NUP214: variants seen among roughly 807,000 people sequenced by gnomAD.
The protein encoded by NUP214 is nucleoporin 214.
NUP214 carries 79 observed loss-of-function variants against 196.2 expected under a neutral mutation model. The ratio of observed to expected loss-of-function variants is 0.40; its 90% CI spans 0.34 to 0.49. The LOEUF (loss-of-function observed/expected upper bound fraction) is 0.49. Among genes scored for constraint, NUP214 ranks in the 20% least tolerant of loss-of-function variants. The pLI is 0.58. For synonymous variants in NUP214, 1,020 were observed against 990.5 expected (o/e 1.03, Z -0.56); for missense variants, 2,468 against 2,539.0 (o/e 0.97, Z 0.60).
At chr9:131,202,460 G>C (rs1445657480) in intron 30 of NUP214, among the ~76,000 whole-genome samples, 1 of 152,132 alleles carries the variant, frequency 6.6e-6, no homozygotes, top group African/African-American at 2.4e-5. Context: ...GTCTAACTCT[G>C]TTGCCCAGGC....
At chr9:131,182,247 T>A (rs1272998395) in intron 24 of NUP214, among the ~76,000 whole-genome samples, 1 of 152,154 alleles carries the variant, frequency 6.6e-6, no homozygotes, top group Non-Finnish European at 1.5e-5. Context: ...AAAAATAAAA[T>A]GGATTTCTTA....
chr9:131,226,790 CAT>C (rs773667357), intron 32 of NUP214, among the ~76,000 whole-genome samples: 12 of 152,136 alleles, frequency 7.9e-5, no homozygotes, highest in Non-Finnish European at 1.3e-4. Context: ...CAAATAGGCA[CAT>C]GAGTGAATCA....
Position 131,197,525 on chromosome 9 carries a change from ATT to A in NUP214, c.4032_4033del (p.Ser1345TyrfsTer6). On this transcript the variant is annotated frameshift_variant, in exon 29 of 36. Coordinates refer to ENST00000359428, the MANE Select transcript of NUP214 (RefSeq NM_005085.4). LOFTEE classifies it high-confidence loss of function. ...GGACTGCGGGTTGGCCAAGCAGATG[ATT>A]CTACAAAACCAACCAATAAGGCTTC... 2.5e-6 allele frequency: 4 copies of A among 1,614,146 alleles called. No homozygotes were observed. Among genetic ancestry groups the A allele is most frequent in the Non-Finnish European group, 2.5e-6 (3 of 1,180,026 alleles).
chr9:131,129,555 G>A (rs1831463675), intron 4 of NUP214, 78 bp downstream of exon 4: 1 of 1,416,608 alleles, frequency 7.1e-7, no homozygotes, highest in Non-Finnish European at 9.8e-7. Context: ...AAGTGAAAGT[G>A]GATAGCTTTT....
At chr9:131,205,657 A>G (rs1834054999) in intron 30 of NUP214, among the ~76,000 whole-genome samples, 1 of 152,124 alleles carries the variant, frequency 6.6e-6, no homozygotes, top group Non-Finnish European at 1.5e-5. Flanking sequence ...AGAGAAATAA[A>G]ATGTACTGCT....
At chr9:131,132,120 T>C (rs1831567841) in intron 5 of NUP214, among the ~76,000 whole-genome samples, 1 of 81,594 alleles carries the variant, frequency 1.2e-5, no homozygotes, top group Non-Finnish European at 2.5e-5. Flanking sequence ...CTTTTCTTTC[T>C]TTTTTTTTTT....
chr9:131,162,824 TTC>T lies in NUP214; in HGVS notation c.2541-166_2541-165del. On this transcript the variant is annotated intron_variant, in intron 18 of 35. Transcript: ENST00000359428. ...CATTCCATTTTATCTTCATTAGGCT[TTC>T]ATCTCCTTTTTATTTTCTAGTAATT... The T allele has an allele frequency of 4.5e-6, 3 of 673,466 alleles. No homozygotes were observed. The South Asian group carries it at 5.7e-5, about 13-fold the overall frequency. The allele number at this position is 673,466 out of a possible 1,614,324, so 41.7% of individuals were successfully genotyped here. A position where few individuals can be genotyped will look rare whatever the true frequency, so the allele number is the denominator to read the frequency against.
At position 131,144,458 on chromosome 9, in the gene NUP214, A is replaced by G. The variant is rs780319883; in HGVS notation, c.1473A>G (p.Ser491=). The G allele has an allele frequency of 6.2e-7, 1 of 1,614,142 alleles. No homozygotes were observed. The highest frequency in any genetic ancestry group is 1.1e-5 in the South Asian group (1 of 91,082). The change falls in exon 12 of 36, where the codon TCA becomes TCG. Residue 491 remains serine (S), a synonymous_variant. Coordinates refer to ENST00000359428, the MANE Select transcript of NUP214 (RefSeq NM_005085.4). The part of the protein sequence containing the change: ...VFSFGSSSLK[S]SATVTGEPPS... ...CCTTTGGTTCTTCATCTTTGAAGTC[A>G]TCTGCTACGGTCACTGGGGAGCCCC...
chr9:131,131,818 A>G (rs1588122091), intron 5 of NUP214, among the ~76,000 whole-genome samples: 1 of 151,876 alleles, frequency 6.6e-6, no homozygotes, highest in Non-Finnish European at 1.5e-5. Context: ...CCTCCCGGGT[A>G]GCTGAGACTA....
chr9:131,131,600 A>G (rs1831545705), intron 5 of NUP214, among the ~76,000 whole-genome samples: 1 of 152,218 alleles, frequency 6.6e-6, no homozygotes, highest in Admixed American at 6.5e-5. Flanking sequence ...TTGGTACATA[A>G]TCTTTTAGGA....
intron 9 of NUP214, chr9:131,136,781 G>A (rs1831740440): frequency 1.3e-5 from 2 of 152,236 alleles, no homozygotes; most frequent in African/African-American, 4.8e-5. Flanking sequence ...GTGGGCCCAG[G>A]TAGTGGTGGT....
chr9:131,140,527 T>C, intron 10 of NUP214, 22 bp from the exon 11 acceptor site: 1 of 1,590,604 alleles, frequency 6.3e-7, no homozygotes, highest in Non-Finnish European at 8.5e-7. Context: ...GGTTTTTTTA[T>C]TTTTGTTTTC....
Position 131,159,544 on chromosome 9 carries a change from A to G in NUP214, c.2540+58A>G, listed in dbSNP as rs930899390. 24 of 1,393,864 alleles carry G rather than the reference A, an allele frequency of 1.7e-5. No homozygotes were observed. In the East Asian group the frequency reaches 4.9e-4, roughly 28 times the overall value. The allele number at this position is 1,393,864 out of a possible 1,614,324, so 86.3% of individuals were successfully genotyped here. ...AATAGATATTGCTATTGCCATTTTA[A>G]AAAGGTTATTTAGGAACATATGAAA... On this transcript the variant is annotated intron_variant, in intron 18 of 35. Transcript: ENST00000359428.
At chr9:131,195,666 G>A in intron 28 of NUP214, 1 of 174,956 alleles carries the variant, frequency 5.7e-6, no homozygotes, top group Non-Finnish European at 1.2e-5. Flanking sequence ...AGAAATGAAA[G>A]ACCAAACTCG....
chr9:131,198,471 G>T lies in NUP214; in HGVS notation c.4977G>T (p.Gln1659His), dbSNP rs1359714983. 2.5e-6 allele frequency: 4 copies of T among 1,614,022 alleles called. No homozygotes were observed. In the African/African-American group the frequency reaches 5.3e-5, roughly 22 times the overall value. ...CCAGTTCTAGCTCAGCTTTCAACCA[G>T]CTCACCAACAACACAGCCACTGCCC... ...PAASSSSAFN[Q>H]LTNNTATAPS... is the part of the protein sequence containing the mutation. The change falls in exon 29 of 36, where the codon CAG becomes CAT. Residue 1659 changes from glutamine (Q) to histidine (H), a missense_variant. Gln to His is a conservative substitution (Grantham distance 24). Transcript: ENST00000359428.
intron 31 of NUP214, among the ~76,000 whole-genome samples, chr9:131,219,584 A>G (rs193251942): frequency 4.9e-4 from 75 of 152,332 alleles, no homozygotes; most frequent in African/African-American, 1.8e-3. Flanking sequence ...TCCCCATAGA[A>G]TCTACTAAAG....
rs530213139 is a variant in NUP214, at chr9:131,155,177, C to T, written c.2436+3283C>T. On this transcript the variant is annotated intron_variant, in intron 17 of 35. Coordinates refer to ENST00000359428, the MANE Select transcript of NUP214 (RefSeq NM_005085.4). ...CTATTATTTTTTGATTTTTAAATTA[C>T]GGCCATTCTTGCAGAAGTAAGACGG... 1.6e-4 allele frequency among the ~76,000 whole-genome samples: 24 copies of T among 152,250 alleles called. No individual in the cohort carries two copies. In the South Asian group the frequency reaches 3.5e-3, roughly 22 times the overall value.
At position 131,175,572 on chromosome 9, in the gene NUP214, G is replaced by A; in HGVS notation, c.3270G>A (p.Gln1090=). The change falls in exon 23 of 36, where the codon CAG becomes CAA. Residue 1090 remains glutamine (Q), a synonymous_variant. Transcript: ENST00000359428. The part of the protein sequence containing the change: ...PSPSHPISAP[Q]AAAAAALRRQ... Reference sequence around the variant, plus strand: ...CTTCCCACCCCATCTCAGCCCCGCAGGCAGCTGCCGCAGCAGCACTCAGGC... The same window carrying A: ...CTTCCCACCCCATCTCAGCCCCGCAAGCAGCTGCCGCAGCAGCACTCAGGC... The A allele has an allele frequency of 6.2e-7, 1 of 1,614,136 alleles. No homozygotes were observed. Among genetic ancestry groups the A allele is most frequent in the African/African-American group, 1.3e-5 (1 of 75,030 alleles).
chr9:131,139,082 A>G (rs1831827862), intron 9 of NUP214, among the ~76,000 whole-genome samples, 199 bp from the exon 10 acceptor site: 3 of 152,094 alleles, frequency 2.0e-5, no homozygotes, highest in Admixed American at 1.3e-4. Flanking sequence ...TTAACTTCCC[A>G]TTTGCTGGGG....
Sources: gnomAD v4.1 joint callset for allele counts (sites outside exome capture counted in the v4.1 genomes callset) on GRCh38, gnomAD v4.1.1 for gene constraint, MANE v1.5 for transcripts, NCBI Gene and HGNC (gene_info 2026-07-23, HGNC 2026-07-21) for gene names.